VWA3B: variants seen among roughly 807,000 people sequenced by gnomAD.
VWA3B encodes the protein von Willebrand factor A domain containing 3B, also known as von Willebrand factor A domain-containing protein 3B.
Under a neutral mutation model 158.3 loss-of-function variants are expected in VWA3B, and 138 were observed. That is an observed-to-expected ratio of 0.87 (90% CI 0.76 to 1.00). The LOEUF (loss-of-function observed/expected upper bound fraction) is 1.00, where lower values mean the gene tolerates loss of function less well. Ranked by LOEUF, VWA3B falls within the 50% of genes least tolerant of loss-of-function variation. The probability of loss-of-function intolerance (pLI) is 0.00; values close to 1 mark genes in which losing one functional copy is unlikely to be tolerated. For synonymous variants in VWA3B, 596 were observed against 587.3 expected (o/e 1.01, Z -0.21); for missense variants, 1,555 against 1,565.1 (o/e 0.99, Z 0.11).
At chr2:98,179,785 CT>C (rs1407590614) in intron 8 of VWA3B, among the ~76,000 whole-genome samples, 11 of 54,634 alleles carry the variant, frequency 2.0e-4, no homozygotes, top group Non-Finnish European at 3.4e-4. Flanking sequence ...CTTTCTCTTT[CT>C]TTTCTTTCTT....
the VWA3B span, among the ~76,000 whole-genome samples, chr2:98,323,181 G>A: frequency 4.6e-5 from 7 of 152,062 alleles, no homozygotes; most frequent in Non-Finnish European, 1.0e-4. Context: ...AGACATCAAA[G>A]TAGCTACTAT....
In VWA3B at chr2:98,312,221, G is replaced by T. The variant is rs375113763; in HGVS notation, c.3757G>T (p.Ala1253Ser). The change falls in exon 28 of 28, where the codon GCG becomes TCG. Residue 1253 changes from alanine (A) to serine (S), a missense_variant. Ala to Ser is a moderately conservative substitution (Grantham distance 99). Transcript: ENST00000477737. ...EPRTAHLHFP[A>S]AGRLGLSSHA... ...CCAGACAGCCCACCTCCACTTCCCC[G>T]CGGCCGGGCGTCTAGGACTCAGCAG... 31 of 1,613,926 alleles carry T rather than the reference G, an allele frequency of 1.9e-5. No homozygotes were observed. Among genetic ancestry groups the T allele is most frequent in the Non-Finnish European group, 2.5e-5 (29 of 1,180,018 alleles).
Position 98,162,879 on chromosome 2 carries a change from C to T in VWA3B, c.1017C>T (p.Leu339=), listed in dbSNP as rs1191455728. The change falls in exon 8 of 28, where the codon CTC becomes CTT. Residue 339 remains leucine (L), a synonymous_variant. Coordinates refer to ENST00000477737, the MANE Select transcript of VWA3B (RefSeq NM_144992.5). ...CTGGAGTCAGAGAGGACGTGTTTCT[C>T]GTTTGGCAAGAGATGGAGGAAGCCT... ...PGAGVREDVF[L]VWQEMEEACS... 8.7e-6 allele frequency: 14 copies of T among 1,613,744 alleles called. No individual in the cohort carries two copies. The South Asian group carries it at 8.8e-5, about 10-fold the overall frequency.
intron 8 of VWA3B, among the ~76,000 whole-genome samples, chr2:98,179,898 TTC>T (rs1176532272): frequency 8.1e-5 from 11 of 135,616 alleles, no homozygotes; most frequent in Non-Finnish European, 1.8e-4. Context: ...CTCTCTTTCT[TTC>T]TCTTTCTTCT....
chr2:98,221,297 A>G (rs968815296), intron 14 of VWA3B, among the ~76,000 whole-genome samples: 3 of 152,164 alleles, frequency 2.0e-5, no homozygotes, highest in Non-Finnish European at 2.9e-5. Context: ...AGCTCCACGA[A>G]AAGCCTGTTC....
the VWA3B span, among the ~76,000 whole-genome samples, chr2:98,330,012 T>C: frequency 6.6e-6 from 1 of 152,192 alleles, no homozygotes; most frequent in Non-Finnish European, 1.5e-5. Context: ...ATCTGAATGA[T>C]GCTGTACTGT....
chr2:98,222,746 G>A (rs4632400), intron 14 of VWA3B, among the ~76,000 whole-genome samples: 86,939 of 152,000 alleles, frequency 0.57, 25,343 homozygotes, highest in South Asian at 0.81. Context: ...CACCAGATTC[G>A]CAAAGAAGAC....
chr2:98,239,545 T>G (rs4614979), intron 19 of VWA3B, among the ~76,000 whole-genome samples: 4,648 of 151,714 alleles, frequency 0.031, 411 homozygotes, highest in Admixed American at 0.17. Flanking sequence ...TTTTTTAAAT[T>G]TATGTAGCTT....
At chr2:98,268,307 ATG>A (rs1687978177) in intron 21 of VWA3B, among the ~76,000 whole-genome samples, 1 of 152,018 alleles carries the variant, frequency 6.6e-6, no homozygotes, top group Non-Finnish European at 1.5e-5. Context: ...TACTGGCAAA[ATG>A]AATCCAGCAG....
intron 13 of VWA3B, among the ~76,000 whole-genome samples, chr2:98,214,878 T>C (rs187167622): frequency 9.8e-5 from 15 of 152,310 alleles, no homozygotes; most frequent in Non-Finnish European, 2.2e-4. Context: ...GTGTAAATTC[T>C]GAGAAGTGGA....
intron 7 of VWA3B, among the ~76,000 whole-genome samples, chr2:98,151,217 A>T (rs747354539): frequency 6.6e-6 from 1 of 151,584 alleles, no homozygotes; most frequent in Non-Finnish European, 1.5e-5. Flanking sequence ...GGTTCAAGCG[A>T]TTGTCCTGCC....
At chr2:98,120,384 C>T (rs1448445665) in intron 4 of VWA3B, among the ~76,000 whole-genome samples, 3 of 152,228 alleles carry the variant, frequency 2.0e-5, no homozygotes, top group Admixed American at 1.3e-4. Context: ...TTCAGTTTTT[C>T]TGTTTTTAAT....
intron 12 of VWA3B, among the ~76,000 whole-genome samples, chr2:98,195,833 A>C (rs553525682): frequency 9.2e-5 from 14 of 152,302 alleles, no homozygotes; most frequent in Admixed American, 2.0e-4. Flanking sequence ...ATTTTCACTG[A>C]TGCTCCCTTG....
At chr2:98,133,359 A>T (rs1676020312) in intron 6 of VWA3B, among the ~76,000 whole-genome samples, 1 of 152,082 alleles carries the variant, frequency 6.6e-6, no homozygotes, top group Non-Finnish European at 1.5e-5. Flanking sequence ...GTTAAAGTTG[A>T]CTGATGCCCA....
At chr2:98,245,003 A>G (rs62156715) in intron 19 of VWA3B, among the ~76,000 whole-genome samples, 5,914 of 152,164 alleles carry the variant, frequency 0.039, 174 homozygotes, top group Middle Eastern at 0.075. Context: ...CATCTCGATC[A>G]CTACCTCTAC....
Position 98,194,511 on chromosome 2 carries a change from T to C in VWA3B, c.1737+19T>C. On this transcript the variant is annotated intron_variant, in intron 12 of 27. Transcript: ENST00000477737. Reference sequence around the variant, plus strand: ...CATAAAGGTAAGTTGGAGACTAAGCTGGGAGAAGCATCCTAGGAGTCTCTC... The same window carrying C: ...CATAAAGGTAAGTTGGAGACTAAGCCGGGAGAAGCATCCTAGGAGTCTCTC... 6.2e-7 allele frequency: 1 copy of C among 1,612,306 alleles called. No individual in the cohort carries two copies.
intron 22 of VWA3B, among the ~76,000 whole-genome samples, chr2:98,282,835 T>C (rs1348298632): frequency 5.9e-5 from 9 of 152,198 alleles, no homozygotes; most frequent in Non-Finnish European, 2.9e-5. Flanking sequence ...GTGATACTTG[T>C]AACCATTTAG....
chr2:98,268,058 A>C (rs1687959288), intron 21 of VWA3B, among the ~76,000 whole-genome samples: 1 of 152,018 alleles, frequency 6.6e-6, no homozygotes, highest in South Asian at 2.1e-4. Context: ...ATAGCTTACC[A>C]ACCAAAAAGA....
chr2:98,273,898 C>G (rs959925808), intron 22 of VWA3B, among the ~76,000 whole-genome samples: 5 of 152,166 alleles, frequency 3.3e-5, no homozygotes, highest in Admixed American at 3.3e-4. Context: ...TGATTCAGAG[C>G]AGAGATAATT....
Sources: allele counts gnomAD v4.1 joint callset (sites outside exome capture counted in the v4.1 genomes callset), GRCh38; gene constraint gnomAD v4.1.1; transcripts MANE v1.5; gene names NCBI Gene and HGNC (gene_info 2026-07-23, HGNC 2026-07-21).